Variants in ETFA observed in about 807,000 individuals in gnomAD.
The protein encoded by ETFA is electron transfer flavoprotein subunit alpha, also known as electron transfer flavoprotein subunit alpha, mitochondrial.
In ETFA, 22 loss-of-function variants were observed where a neutral mutation model predicts 46.2. The ratio of observed to expected loss-of-function variants is 0.48; its 90% CI spans 0.34 to 0.68. ETFA has a LOEUF of 0.68. Among genes scored for constraint, ETFA ranks in the 30% least tolerant of loss-of-function variants. ETFA has a pLI of 0.01. For missense variants in ETFA, 345 were observed against 401.1 expected (o/e 0.86, Z 1.19); for synonymous variants, 131 against 139.9 (o/e 0.94, Z 0.45).
intron 1 of ETFA, among the ~76,000 whole-genome samples, chr15:76,300,527 T>A (rs1047569040): frequency 6.6e-6 from 1 of 152,142 alleles, no homozygotes; most frequent in Non-Finnish European, 1.5e-5. Context: ...GTGCAGGCCA[T>A]TATCCTTCTC....
intron 9 of ETFA, among the ~76,000 whole-genome samples, chr15:76,235,664 T>G (rs2039115013): frequency 6.6e-6 from 1 of 152,098 alleles, no homozygotes; most frequent in South Asian, 2.1e-4. Flanking sequence ...GTCTAACAAT[T>G]ACAGGTTACG....
chr15:76,274,549 G>A, intron 8 of ETFA, 55 bp from the exon 9 acceptor site: 1 of 1,314,620 alleles, frequency 7.6e-7, no homozygotes, highest in South Asian at 1.2e-5. Flanking sequence ...CAGCTAGTTA[G>A]GATATTCACT....
At position 76,258,242 on chromosome 15, in the gene ETFA, CT is replaced by C. The variant is rs2039366253; in HGVS notation, c.816+16169del. 2.0e-5 allele frequency among the ~76,000 whole-genome samples: 3 copies of C among 152,166 alleles called. No individual in the cohort carries two copies. In the South Asian group the frequency reaches 6.2e-4, roughly 32 times the overall value. On this transcript the variant is annotated intron_variant, in intron 9 of 11. Transcript: ENST00000557943. ...CTCAGATTGTGGGCATGGAGAGGGG[CT>C]CCTGAACTCCTCTCCAGCCTCACTC...
chr15:76,284,474 A>G (rs2039686857), intron 7 of ETFA: 1 of 208,246 alleles, frequency 4.8e-6, no homozygotes, highest in African/African-American at 2.4e-5. Context: ...AAAATACAAA[A>G]TTATTATTTT....
intron 1 of ETFA, among the ~76,000 whole-genome samples, chr15:76,310,774 C>T (rs1438715730): frequency 6.6e-6 from 1 of 152,214 alleles, no homozygotes; most frequent in East Asian, 1.9e-4. Flanking sequence ...CAAATACAAT[C>T]ACCTAAATTC....
chr15:76,261,119 G>C (rs1413893470), intron 9 of ETFA: 25 of 1,508,898 alleles, frequency 1.7e-5, no homozygotes, highest in Non-Finnish European at 2.1e-5. Context: ...TGGGTGCTCT[G>C]GGTCACCCCT....
At position 76,216,537 on chromosome 15, in the gene ETFA, C is replaced by A. The variant is rs200260934; in HGVS notation, c.*22G>T. On this transcript the variant is annotated 3_prime_UTR_variant, in exon 12 of 12. Transcript: ENST00000557943. Reference sequence around the variant, plus strand: ...AGTGGAATACTTTAACAAAAGTTTTCTTTTTAAGGCATGATCCTGATTCAT... The same window carrying A: ...AGTGGAATACTTTAACAAAAGTTTTATTTTTAAGGCATGATCCTGATTCAT... The A allele has an allele frequency of 8.9e-6, 13 of 1,461,354 alleles. No individual in the cohort carries two copies. In the East Asian group the frequency reaches 2.7e-4, roughly 31 times the overall value. The allele number at this position is 1,461,354 out of a possible 1,614,324, so 90.5% of individuals were successfully genotyped here. A position where few individuals can be genotyped will look rare whatever the true frequency, so the allele number is the denominator to read the frequency against.
At chr15:76,257,610 C>T (rs1022313018) in intron 9 of ETFA, among the ~76,000 whole-genome samples, 4 of 150,742 alleles carry the variant, frequency 2.7e-5, no homozygotes, top group Middle Eastern at 3.4e-3. Flanking sequence ...GTCAGTGTGG[C>T]GATTCCTCAG....
intron 1 of ETFA, among the ~76,000 whole-genome samples, chr15:76,303,208 T>C (rs2456063): frequency 0.15 from 22,861 of 152,062 alleles, 2,246 homozygotes; most frequent in African/African-American, 0.28. Flanking sequence ...TTCCGAAGGC[T>C]GCGGCAGGAG....
chr15:76,249,437 T>A (rs12907275), intron 9 of ETFA, among the ~76,000 whole-genome samples: 2 of 50,510 alleles, frequency 4.0e-5, no homozygotes, highest in Admixed American at 1.8e-4. Context: ...CCATGGTAAT[T>A]TTTTTTTTTT....
chr15:76,285,589 A>T, intron 7 of ETFA, 48 bp downstream of exon 7: 1 of 1,046,634 alleles, frequency 9.6e-7, no homozygotes, highest in South Asian at 1.3e-5. Flanking sequence ...AAAAAAAAAA[A>T]TCAAAGTATT....
chr15:76,295,933 A>ATTTTTTTTTTTTTTTTTTTT (rs1555459250), intron 1 of ETFA, among the ~76,000 whole-genome samples, 196 bp from the exon 2 acceptor site: 17 of 58,538 alleles, frequency 2.9e-4, no homozygotes, highest in Non-Finnish European at 5.5e-4. Context: ...TACCACTAAT[A>ATTTTTTTTTTTTTTTTTTTT]TTCTTTTTTT....
At chr15:76,239,082 C>T (rs903516736) in intron 9 of ETFA, among the ~76,000 whole-genome samples, 9 of 152,170 alleles carry the variant, frequency 5.9e-5, no homozygotes, top group South Asian at 4.1e-4. Context: ...TATGTTACGC[C>T]AGTAACTATG....
chr15:76,294,444 C>T (rs963154996), intron 2 of ETFA, among the ~76,000 whole-genome samples: 1 of 152,186 alleles, frequency 6.6e-6, no homozygotes, highest in Non-Finnish European at 1.5e-5. Flanking sequence ...CATAACTAAT[C>T]ATAAACCCAC....
At chr15:76,223,893 C>T (rs1353997570) in intron 11 of ETFA, among the ~76,000 whole-genome samples, 3 of 152,216 alleles carry the variant, frequency 2.0e-5, no homozygotes, top group Non-Finnish European at 2.9e-5. Context: ...TGGAAGAACA[C>T]TGAAAATTTC....
chr15:76,287,916 A>C lies in ETFA; in HGVS notation c.381T>G (p.Leu127=). ...KNLLPRVAAK[L]EVAPISDIIA... ...TGATGTCAGAAATCGGGGCAACCTC[A>C]AGTTTGGCTGCTACTCTGGGCAAAA... Residue 127 remains leucine, a synonymous_variant, in exon 5 of 12, where the codon CTT becomes CTG. Transcript: ENST00000557943. The C allele has an allele frequency of 1.2e-6, 2 of 1,614,084 alleles. No homozygotes were observed. The highest frequency in any genetic ancestry group is 1.1e-5 in the South Asian group (1 of 91,082).
chr15:76,270,891 C>T (rs532833001), intron 9 of ETFA, among the ~76,000 whole-genome samples: 125 of 152,090 alleles, frequency 8.2e-4, no homozygotes, highest in African/African-American at 2.9e-3. Context: ...GTTTATTGGC[C>T]GGGCATAGTG....
chr15:76,288,869 T>C (rs1322265956), intron 4 of ETFA, among the ~76,000 whole-genome samples: 1 of 150,950 alleles, frequency 6.6e-6, no homozygotes, highest in Non-Finnish European at 1.5e-5. Flanking sequence ...GCAGGAATCC[T>C]TGGGAAAGTC....
chr15:76,277,019 G>A (rs1167679812), intron 8 of ETFA, among the ~76,000 whole-genome samples: 3 of 152,078 alleles, frequency 2.0e-5, no homozygotes, highest in Admixed American at 6.5e-5. Context: ...TGATGTACAC[G>A]GGTAAAAGGA....
Sources: allele counts gnomAD v4.1 joint callset (sites outside exome capture counted in the v4.1 genomes callset), GRCh38; gene constraint gnomAD v4.1.1; transcripts MANE v1.5; gene names NCBI Gene and HGNC (gene_info 2026-07-23, HGNC 2026-07-21).